ROBO1: variants seen among roughly 807,000 people sequenced by gnomAD.
ROBO1 encodes the protein roundabout guidance receptor 1.
Under a neutral mutation model 195.9 loss-of-function variants are expected in ROBO1, and 149 were observed. The observed-to-expected ratio is 0.76, with a 90% confidence interval of 0.67 to 0.87. The LOEUF (loss-of-function observed/expected upper bound fraction) is 0.87. Among genes scored for constraint, ROBO1 ranks in the 40% least tolerant of loss-of-function variants. The pLI is 0.00. For synonymous variants in ROBO1, 816 were observed against 733.2 expected, an observed-to-expected ratio of 1.11 and a Z score of -1.82; for missense variants, 1,933 against 2,068.3, an observed-to-expected ratio of 0.93 and a Z score of 1.27.
chr3:79,554,968 C>T lies in ROBO1; in HGVS notation c.88+34856G>A, dbSNP rs78221892. 4.1e-3 allele frequency among the ~76,000 whole-genome samples: 627 copies of T among 152,034 alleles called. 2 individuals carry two copies. The highest frequency in any genetic ancestry group is 0.013 in the African/African-American group (538 of 41,508). ...GTCTAAGAGCTTAGCCTGAGAACAA[C>T]TAAACTAGCAGGATACATGTAATGA... On this transcript the variant is annotated intron_variant, in intron 2 of 30. Coordinates refer to ENST00000464233, the MANE Select transcript of ROBO1 (RefSeq NM_002941.4).
At chr3:78,768,968 C>T (rs1163213920) in intron 4 of ROBO1, among the ~76,000 whole-genome samples, 3 of 151,966 alleles carry the variant, frequency 2.0e-5, no homozygotes, top group Non-Finnish European at 2.9e-5. Flanking sequence ...TTTATTGAGG[C>T]TCGTTTTATA....
chr3:78,806,334 G>T (rs2108601908), intron 4 of ROBO1, among the ~76,000 whole-genome samples: 1 of 152,256 alleles, frequency 6.6e-6, no homozygotes, highest in South Asian at 2.1e-4. Flanking sequence ...CGCAGCACCT[G>T]ATTCAGGTTT....
chr3:78,677,352 T>C (rs536834435), intron 10 of ROBO1, among the ~76,000 whole-genome samples: 1 of 152,258 alleles, frequency 6.6e-6, no homozygotes, highest in Admixed American at 6.5e-5. Flanking sequence ...ATGGACTAAA[T>C]GCTCCAATTA....
chr3:79,309,457 T>C (rs1235636581), intron 2 of ROBO1, among the ~76,000 whole-genome samples: 1 of 151,762 alleles, frequency 6.6e-6, no homozygotes, highest in Non-Finnish European at 1.5e-5. Flanking sequence ...AAGAAATAAA[T>C]AGCCAAGCAT....
At chr3:79,609,033 G>A (rs1319453877) in intron 1 of ROBO1, among the ~76,000 whole-genome samples, 1 of 151,768 alleles carries the variant, frequency 6.6e-6, no homozygotes, top group African/African-American at 2.4e-5. Context: ...TTGTCCTTTT[G>A]ACTTCTGCCA....
chr3:79,736,375 A>G (rs1703390054), intron 1 of ROBO1, among the ~76,000 whole-genome samples: 1 of 152,236 alleles, frequency 6.6e-6, no homozygotes, highest in African/African-American at 2.4e-5. Context: ...TCTTAATTGC[A>G]AAGGTTAGGC....
chr3:78,909,650 C>T (rs1242928978), intron 4 of ROBO1, among the ~76,000 whole-genome samples: 1 of 151,596 alleles, frequency 6.6e-6, no homozygotes, highest in East Asian at 1.9e-4. Context: ...AATCATCAAC[C>T]TGAAAACTAA....
At chr3:78,678,124 A>C (rs1708553574) in intron 10 of ROBO1, among the ~76,000 whole-genome samples, 1 of 152,122 alleles carries the variant, frequency 6.6e-6, no homozygotes, top group Admixed American at 6.5e-5. Flanking sequence ...CTTTGAAACC[A>C]ATGAGAACAA....
intron 1 of ROBO1, among the ~76,000 whole-genome samples, chr3:79,669,513 T>C (rs181248791): frequency 6.1e-4 from 93 of 152,084 alleles, no homozygotes; most frequent in Admixed American, 2.3e-3. Flanking sequence ...GCCTACAGTA[T>C]TTAGTACAGT....
intron 3 of ROBO1, among the ~76,000 whole-genome samples, chr3:79,037,793 G>A (rs983619019): frequency 2.0e-5 from 3 of 152,158 alleles, no homozygotes; most frequent in African/African-American, 7.2e-5. Context: ...TACATTTTAT[G>A]TTCTAATTTA....
intron 1 of ROBO1, among the ~76,000 whole-genome samples, chr3:79,755,635 T>TA (rs2107496599): frequency 6.6e-6 from 1 of 151,872 alleles, no homozygotes; most frequent in South Asian, 2.1e-4. Flanking sequence ...AGAGATGTTA[T>TA]AATCAGAATG....
chr3:79,535,017 C>A (rs1291763189), intron 2 of ROBO1, among the ~76,000 whole-genome samples: 1 of 152,104 alleles, frequency 6.6e-6, no homozygotes, highest in Non-Finnish European at 1.5e-5. Context: ...AATGTTAAGT[C>A]ATCTTTTATA....
chr3:78,674,604 T>C (rs1031518868), intron 10 of ROBO1, among the ~76,000 whole-genome samples: 1 of 152,196 alleles, frequency 6.6e-6, no homozygotes, highest in African/African-American at 2.4e-5. Context: ...GGACATTTAG[T>C]GTTGAACTGG....
intron 4 of ROBO1, among the ~76,000 whole-genome samples, chr3:78,907,363 T>C (rs2037986694): frequency 6.6e-6 from 1 of 152,038 alleles, no homozygotes; most frequent in Non-Finnish European, 1.5e-5. Flanking sequence ...CAAGGGAAGA[T>C]GTGGAATTAT....
chr3:78,902,557 A>G (rs1211284858), intron 4 of ROBO1, among the ~76,000 whole-genome samples: 3 of 152,136 alleles, frequency 2.0e-5, no homozygotes, highest in Non-Finnish European at 2.9e-5. Context: ...AAAATTTTAT[A>G]TAAAAAATAG....
At chr3:79,156,722 A>C (rs2080865890) in intron 2 of ROBO1, among the ~76,000 whole-genome samples, 2 of 151,894 alleles carry the variant, frequency 1.3e-5, no homozygotes, top group Admixed American at 1.3e-4. Context: ...TGCTACTAAA[A>C]TTATAAGTTA....
intron 10 of ROBO1, among the ~76,000 whole-genome samples, chr3:78,681,841 A>G (rs2080920325): frequency 1.3e-5 from 2 of 152,120 alleles, no homozygotes; most frequent in Non-Finnish European, 2.9e-5. Context: ...GGCGGAGCTT[A>G]CAGTGAGCTG....
chr3:79,734,263 C>G (rs941043033), intron 1 of ROBO1, among the ~76,000 whole-genome samples: 1 of 152,050 alleles, frequency 6.6e-6, no homozygotes, highest in Non-Finnish European at 1.5e-5. Flanking sequence ...TCTATTTTAA[C>G]TGTTTTCTTT....
intron 4 of ROBO1, among the ~76,000 whole-genome samples, chr3:78,793,935 T>C (rs1053578577): frequency 2.6e-5 from 4 of 152,194 alleles, no homozygotes; most frequent in African/African-American, 7.2e-5. Context: ...ATTTAAAGTA[T>C]ATTGACTGTA....
Sources: gnomAD v4.1 joint callset for allele counts (sites outside exome capture counted in the v4.1 genomes callset) on GRCh38, gnomAD v4.1.1 for gene constraint, MANE v1.5 for transcripts, NCBI Gene and HGNC (gene_info 2026-07-23, HGNC 2026-07-21) for gene names.